KIF6: variants seen among roughly 807,000 people sequenced by gnomAD.
KIF6 encodes kinesin-like protein KIF6.
Under a neutral mutation model 112.7 loss-of-function variants are expected in KIF6, and 106 were observed. The observed-to-expected ratio is 0.94, with a 90% CI of 0.80 to 1.11. The LOEUF (loss-of-function observed/expected upper bound fraction) is 1.11. Among genes scored for constraint, KIF6 ranks in the 50% least tolerant of loss-of-function variants. KIF6 has a pLI of 0.00. For synonymous variants in KIF6, 339 were observed against 339.9 expected (o/e 1.00, Z 0.03); for missense variants, 929 against 964.0 (o/e 0.96, Z 0.48).
chr6:39,399,171 G>C (rs900209537), intron 15 of KIF6, among the ~76,000 whole-genome samples: 4 of 152,118 alleles, frequency 2.6e-5, no homozygotes, highest in Admixed American at 6.5e-5. Flanking sequence ...CTCTCTCTCT[G>C]TATCTATGCA....
At chr6:39,610,456 G>T (rs1040456007) in intron 6 of KIF6, among the ~76,000 whole-genome samples, 2 of 152,170 alleles carry the variant, frequency 1.3e-5, no homozygotes, top group Non-Finnish European at 2.9e-5. Context: ...GGTTACCAAG[G>T]CAACTTCTGG....
intron 13 of KIF6, among the ~76,000 whole-genome samples, chr6:39,504,505 C>T (rs1337058766): frequency 6.6e-6 from 1 of 152,154 alleles, no homozygotes; most frequent in Non-Finnish European, 1.5e-5. Flanking sequence ...CCAGGGCAAT[C>T]AGGCAAGATA....
At chr6:39,635,672 A>T (rs187403222) in intron 4 of KIF6, among the ~76,000 whole-genome samples, 15 of 152,214 alleles carry the variant, frequency 9.9e-5, no homozygotes, top group Admixed American at 7.9e-4. Context: ...CATCAATGTA[A>T]TGAGGCTAAA....
At chr6:39,422,357 C>T (rs551043532) in intron 14 of KIF6, among the ~76,000 whole-genome samples, 112 of 152,288 alleles carry the variant, frequency 7.4e-4, no homozygotes, top group Non-Finnish European at 1.4e-3. Context: ...TCCAAAGAGC[C>T]GCCCTGCTCC....
At chr6:39,622,778 T>A (rs1308893491) in intron 5 of KIF6, among the ~76,000 whole-genome samples, 1 of 152,328 alleles carries the variant, frequency 6.6e-6, no homozygotes, top group Admixed American at 6.5e-5. Context: ...AGCAGGTGCC[T>A]GTTTCCTTCC....
rs542489179 is a variant in KIF6, at chr6:39,723,252, T to C, written c.66+1993A>G. Among the ~76,000 whole-genome samples, 5 of 152,314 alleles carry C rather than the reference T, an allele frequency of 3.3e-5. No homozygotes were observed. The South Asian group carries it at 1.0e-3, about 32-fold the overall frequency. ...TAAATTATACGAGGCAAATGCTTAA[T>C]CATGAGATGCTATGATATTCCACAT... On this transcript the variant is annotated intron_variant, in intron 1 of 22. Coordinates refer to ENST00000287152, the MANE Select transcript of KIF6 (RefSeq NM_145027.6).
At chr6:39,529,131 T>C (rs1777904285) in intron 13 of KIF6, among the ~76,000 whole-genome samples, 4 of 152,178 alleles carry the variant, frequency 2.6e-5, no homozygotes, top group South Asian at 4.1e-4. Flanking sequence ...ACCGGATGCT[T>C]ATCTCACACC....
intron 13 of KIF6, among the ~76,000 whole-genome samples, chr6:39,506,978 T>C (rs1383156350): frequency 6.6e-6 from 1 of 152,194 alleles, no homozygotes; most frequent in Admixed American, 6.5e-5. Flanking sequence ...TCTCTTCCAC[T>C]TGGCTATTCC....
intron 9 of KIF6, among the ~76,000 whole-genome samples, chr6:39,580,374 T>C (rs1781216502): frequency 2.6e-5 from 4 of 152,124 alleles, no homozygotes; most frequent in Admixed American, 2.0e-4. Flanking sequence ...GGGGGTTCTA[T>C]TTATCATTAA....
Position 39,474,370 on chromosome 6 carries a change from C to T in KIF6, c.1646-43209G>A, listed in dbSNP as rs148304300. Among the ~76,000 whole-genome samples the T allele has an allele frequency of 1.9e-3, 288 of 152,274 alleles. 8 individuals carry two copies. Among genetic ancestry groups the T allele is most frequent in the Admixed American group, 0.017 (264 of 15,294 alleles). ...AATATTTGTTAGGATTGTCTTCAGT[C>T]GTAGGTAGCCTCTATTCAGGGGTTA... On this transcript the variant is annotated intron_variant, in intron 13 of 22. Coordinates refer to ENST00000287152, the MANE Select transcript of KIF6 (RefSeq NM_145027.6).
rs182709715 is a variant in KIF6 at position 39,560,842 on chromosome 6, G to A, written c.1182-15154C>T. Among the ~76,000 whole-genome samples the A allele has an allele frequency of 3.6e-4, 55 of 152,198 alleles. No individual in the cohort carries two copies. In the East Asian group the frequency reaches 7.9e-3, roughly 22 times the overall value. On this transcript the variant is annotated intron_variant, in intron 10 of 22. Transcript: ENST00000287152. ...CTCTGCAGAAAATAGCCTTTTTAGG[G>A]GCATTTTGCAGAAGTCATTGGCTGA...
intron 13 of KIF6, among the ~76,000 whole-genome samples, chr6:39,452,265 A>G (rs530146357): frequency 1.3e-5 from 2 of 152,348 alleles, no homozygotes; most frequent in East Asian, 3.8e-4. Flanking sequence ...GCTAGGATGA[A>G]GAAGAATCTA....
intron 19 of KIF6, among the ~76,000 whole-genome samples, chr6:39,349,513 T>C (rs188767743): frequency 3.1e-4 from 45 of 146,174 alleles, no homozygotes; most frequent in Non-Finnish European, 4.5e-4. Flanking sequence ...GAGGGAGGGA[T>C]GGGAGAAGAG....
At chr6:39,491,565 A>G (rs1352280246) in intron 13 of KIF6, among the ~76,000 whole-genome samples, 1 of 152,200 alleles carries the variant, frequency 6.6e-6, no homozygotes, top group Non-Finnish European at 1.5e-5. Context: ...TACTTTTGGT[A>G]CCTGAAATTG....
chr6:39,522,500 A>G (rs1251086059), intron 13 of KIF6, among the ~76,000 whole-genome samples: 1 of 152,140 alleles, frequency 6.6e-6, no homozygotes, highest in Non-Finnish European at 1.5e-5. Context: ...TTAATCTCCA[A>G]TGATCTGTGT....
chr6:39,460,519 T>A (rs1259526135), intron 13 of KIF6, among the ~76,000 whole-genome samples: 3 of 51,384 alleles, frequency 5.8e-5, no homozygotes, highest in African/African-American at 1.5e-4. Context: ...AAACTTAAAG[T>A]ATAATAAAAA....
intron 10 of KIF6, 144 bp from the exon 11 acceptor site, chr6:39,545,832 G>C (rs1328448011): frequency 1.9e-6 from 1 of 525,324 alleles, no homozygotes; most frequent in East Asian, 3.1e-5. Context: ...TAAAAATTAA[G>C]GGAAAAGAAA....
chr6:39,440,581 C>T (rs1462920556), intron 13 of KIF6, among the ~76,000 whole-genome samples: 2 of 152,020 alleles, frequency 1.3e-5, no homozygotes, highest in Non-Finnish European at 2.9e-5. Context: ...AATCCAGCAC[C>T]CCCTCACTGT....
At chr6:39,546,464 C>A (rs1032353735) in intron 10 of KIF6, among the ~76,000 whole-genome samples, 4 of 152,120 alleles carry the variant, frequency 2.6e-5, no homozygotes, top group Non-Finnish European at 5.9e-5. Flanking sequence ...TTTTTCCTAT[C>A]CTAAAACAAA....
Sources: gnomAD v4.1 joint callset for allele counts (sites outside exome capture counted in the v4.1 genomes callset) on GRCh38, gnomAD v4.1.1 for gene constraint, MANE v1.5 for transcripts, NCBI Gene and HGNC (gene_info 2026-07-23, HGNC 2026-07-21) for gene names.